The following MYOM1 variants were observed in gnomAD, a reference collection of about 807,000 sequenced individuals.
The protein encoded by MYOM1 is myomesin-1.
A neutral mutation model predicts 205.3 loss-of-function variants in MYOM1; 164 were observed. The ratio of observed to expected loss-of-function variants is 0.80; its 90% CI spans 0.70 to 0.91. The LOEUF (loss-of-function observed/expected upper bound fraction) is 0.91. Among genes scored for constraint, MYOM1 ranks in the 40% least tolerant of loss-of-function variants. The pLI is 0.00. For synonymous variants in MYOM1, 772 were observed against 789.4 expected (o/e 0.98, Z 0.37); for missense variants, 2,011 against 2,127.3 (o/e 0.95, Z 1.08).
intron 22 of MYOM1, among the ~76,000 whole-genome samples, chr18:3,107,140 C>T (rs1000627030): frequency 1.3e-5 from 2 of 151,564 alleles, no homozygotes; most frequent in Non-Finnish European, 2.9e-5. Flanking sequence ...TTTTTTGAGA[C>T]GGAGTCTCAC....
intron 13 of MYOM1, among the ~76,000 whole-genome samples, chr18:3,144,496 A>G (rs934965804): frequency 1.3e-5 from 2 of 152,232 alleles, no homozygotes; most frequent in African/African-American, 4.8e-5. Flanking sequence ...ATCAGATGAA[A>G]TGTAAATGGT....
intron 2 of MYOM1, among the ~76,000 whole-genome samples, chr18:3,207,597 G>A (rs2081139926): frequency 6.6e-6 from 1 of 152,172 alleles, no homozygotes; most frequent in Non-Finnish European, 1.5e-5. Context: ...AGATGGCTGT[G>A]GGAAACCTCA....
chr18:3,195,847 C>CT (rs893180779), intron 2 of MYOM1, among the ~76,000 whole-genome samples: 27 of 148,878 alleles, frequency 1.8e-4, no homozygotes, highest in Admixed American at 6.0e-4. Context: ...ACAGGCGCTG[C>CT]TTTTTTTTTT....
At chr18:3,207,023 T>C (rs1277829444) in intron 2 of MYOM1, among the ~76,000 whole-genome samples, 1 of 152,124 alleles carries the variant, frequency 6.6e-6, no homozygotes, top group Non-Finnish European at 1.5e-5. Flanking sequence ...ACTATTTAAA[T>C]AGGAATATAA....
chr18:3,180,426 T>C (rs1039155109), intron 5 of MYOM1, among the ~76,000 whole-genome samples: 2 of 152,240 alleles, frequency 1.3e-5, no homozygotes, highest in Non-Finnish European at 2.9e-5. Context: ...TTTGATTCTA[T>C]TCTCCAAAGA....
intron 12 of MYOM1, 23 bp downstream of exon 12, chr18:3,151,671 C>T: frequency 1.3e-6 from 2 of 1,598,624 alleles, no homozygotes; most frequent in Non-Finnish European, 1.7e-6. Flanking sequence ...TAGGGAAGGT[C>T]CTGAAAAATG....
At chr18:3,095,466 G>T (rs948185136) in intron 25 of MYOM1, among the ~76,000 whole-genome samples, 3 of 152,270 alleles carry the variant, frequency 2.0e-5, no homozygotes, top group East Asian at 3.9e-4. Context: ...TACTCAAGAG[G>T]CTGAGGCAGG....
chr18:3,067,541 A>G lies in MYOM1; in HGVS notation c.4779T>C (p.Thr1593=), dbSNP rs746732752. The part of the protein sequence containing the change: ...TIQEGKALNL[T]CNVWGDPPPE... ...GAGGCGGGTCTCCCCACACGTTGCA[A>G]GTGAGATTAAGGGCCTGCAAGACAG... The change falls in exon 38 of 38, where the codon ACT becomes ACC. Residue 1593 remains threonine (T), a synonymous_variant. Transcript: ENST00000356443. The G allele has an allele frequency of 6.2e-7, 1 of 1,613,176 alleles. No homozygotes were observed. Among genetic ancestry groups the G allele is most frequent in the African/African-American group, 1.3e-5 (1 of 74,894 alleles).
intron 18 of MYOM1, 95 bp downstream of exon 18, chr18:3,129,137 T>C (rs931787187): frequency 4.5e-5 from 65 of 1,429,386 alleles, no homozygotes; most frequent in Non-Finnish European, 6.0e-5. Flanking sequence ...TGGACATTGA[T>C]GAAAGCAAAC....
At chr18:3,150,170 C>A (rs752955763) in intron 12 of MYOM1, among the ~76,000 whole-genome samples, 49 of 152,204 alleles carry the variant, frequency 3.2e-4, no homozygotes, top group Admixed American at 7.2e-4. Flanking sequence ...AATGATTCTC[C>A]TGCCTCAGCC....
intron 10 of MYOM1, among the ~76,000 whole-genome samples, chr18:3,162,280 G>T (rs956013796): frequency 6.6e-6 from 1 of 152,136 alleles, no homozygotes; most frequent in Non-Finnish European, 1.5e-5. Context: ...TATCTGGCCT[G>T]TAGAACCCAG....
chr18:3,244,100 C>T, the MYOM1 span, among the ~76,000 whole-genome samples: 1 of 152,150 alleles, frequency 6.6e-6, no homozygotes, highest in Non-Finnish European at 1.5e-5. Context: ...TTGTCGAGGG[C>T]CGTCCTGTGC....
intron 12 of MYOM1, 125 bp from the exon 13 acceptor site, chr18:3,149,326 T>C: frequency 1.4e-6 from 1 of 714,022 alleles, no homozygotes; most frequent in Non-Finnish European, 2.4e-6. Context: ...ACTTATGTGT[T>C]TTCCCATGAA....
chr18:3,137,673 G>A (rs924086528), intron 14 of MYOM1, among the ~76,000 whole-genome samples: 1 of 152,124 alleles, frequency 6.6e-6, no homozygotes, highest in Non-Finnish European at 1.5e-5. Context: ...AAGGGTTGGG[G>A]GTGGTGGTGA....
rs919938582 is a variant in MYOM1, at chr18:3,189,643, A to C, written c.432-556T>G. 6.6e-6 allele frequency among the ~76,000 whole-genome samples: 1 copy of C among 152,242 alleles called. No individual in the cohort carries two copies. Among genetic ancestry groups the C allele is most frequent in the East Asian group, 1.9e-4 (1 of 5,198 alleles). ...CCAAAGTGCTGGGATTACAGGCATG[A>C]TCCACCGTGCCTGGCCAAGATAAAT... On this transcript the variant is annotated intron_variant, in intron 3 of 37. Transcript: ENST00000356443. This position sits in a 1 kb window ranked among gnomAD's most constrained non-coding sequence, Gnocchi z 4.8.
At chr18:3,126,483 C>T (rs1263298282) in intron 19 of MYOM1, among the ~76,000 whole-genome samples, 1 of 151,998 alleles carries the variant, frequency 6.6e-6, no homozygotes, top group East Asian at 1.9e-4. Flanking sequence ...ATTTATTATG[C>T]TTATGTGTAT....
chr18:3,170,817 C>A (rs2144076228), intron 8 of MYOM1, among the ~76,000 whole-genome samples: 1 of 152,276 alleles, frequency 6.6e-6, no homozygotes, highest in East Asian at 1.9e-4. Context: ...GTAACACACA[C>A]CTAATGCCAG....
chr18:3,137,171 G>A (rs35442015), intron 14 of MYOM1, among the ~76,000 whole-genome samples: 39,316 of 151,614 alleles, frequency 0.26, 5,420 homozygotes, highest in East Asian at 0.42. Context: ...GGATGGTCTC[G>A]ATCTCCTGAC....
At chr18:3,072,945 G>A (rs1193064351) in intron 36 of MYOM1, among the ~76,000 whole-genome samples, 1 of 151,184 alleles carries the variant, frequency 6.6e-6, no homozygotes, top group Non-Finnish European at 1.5e-5. Context: ...ACATGCTAGG[G>A]AGATTGGAGG....
Sources: gnomAD v4.1 joint callset for allele counts (sites outside exome capture counted in the v4.1 genomes callset) on GRCh38, gnomAD v4.1.1 for gene constraint, Gnocchi (gnomAD v3.1) non-coding constraint, MANE v1.5 for transcripts, NCBI Gene and HGNC (gene_info 2026-07-23, HGNC 2026-07-21) for gene names.